TAFA1: variants seen among roughly 807,000 people sequenced by gnomAD.
TAFA1 encodes chemokine-like protein TAFA-1.
Under a neutral mutation model 18.5 loss-of-function variants are expected in TAFA1, and 4 were observed. The ratio of observed to expected loss-of-function variants is 0.22; its 90% CI spans 0.11 to 0.49. The LOEUF (loss-of-function observed/expected upper bound fraction) is 0.49, where lower values mean the gene tolerates loss of function less well. Ranked by LOEUF, TAFA1 falls within the 20% of genes least tolerant of loss-of-function variation. The pLI is 0.98. For synonymous variants in TAFA1, 56 were observed against 55.2 expected (o/e 1.01, Z -0.06); for missense variants, 147 against 169.0 (o/e 0.87, Z 0.72).
At chr3:68,427,433 A>C (rs949155730) in intron 3 of TAFA1, among the ~76,000 whole-genome samples, 4 of 151,846 alleles carry the variant, frequency 2.6e-5, no homozygotes, top group African/African-American at 9.7e-5. Flanking sequence ...TTCTAGGAAA[A>C]TCTATAACCC....
At chr3:68,131,643 T>A (rs1037689529) in intron 2 of TAFA1, among the ~76,000 whole-genome samples, 3 of 152,208 alleles carry the variant, frequency 2.0e-5, no homozygotes, top group South Asian at 2.1e-4. Context: ...CAGAGGCAGA[T>A]GCTCTGTGAG....
intron 1 of TAFA1, among the ~76,000 whole-genome samples, chr3:68,005,230 C>T (rs1704337325): frequency 6.6e-6 from 1 of 152,048 alleles, no homozygotes; most frequent in African/African-American, 2.4e-5. Context: ...TGTATGTTAT[C>T]CCAATAGTTC....
At chr3:68,458,977 C>T (rs1316220648) in intron 3 of TAFA1, among the ~76,000 whole-genome samples, 1 of 152,146 alleles carries the variant, frequency 6.6e-6, no homozygotes, top group Non-Finnish European at 1.5e-5. Flanking sequence ...GGCAAGGAAA[C>T]AGCAATCTAC....
intron 3 of TAFA1, among the ~76,000 whole-genome samples, chr3:68,505,060 G>T (rs2072723906): frequency 6.6e-6 from 1 of 152,150 alleles, no homozygotes; most frequent in Admixed American, 6.5e-5. Context: ...AAGCATGTTT[G>T]CTGAAATGTG....
rs554859749 is a variant in TAFA1, at chr3:68,019,208, T to A, written c.118+12464T>A. Among the ~76,000 whole-genome samples, 11 of 152,346 alleles carry A rather than the reference T, an allele frequency of 7.2e-5. No individual in the cohort carries two copies. The South Asian group carries it at 2.1e-3, about 29-fold the overall frequency. The stretch of plus-strand genomic sequence containing the variant: ...TAGCTTGTTGTATATCATGTAATAG[T>A]TTTGAGTACTGCAGCTGAATAATGC... On this transcript the variant is annotated intron_variant, in intron 2 of 4. Coordinates refer to ENST00000478136, the MANE Select transcript of TAFA1 (RefSeq NM_213609.4).
At chr3:68,382,254 C>G (rs1030259471) in intron 2 of TAFA1, among the ~76,000 whole-genome samples, 3 of 152,248 alleles carry the variant, frequency 2.0e-5, no homozygotes, top group African/African-American at 4.8e-5. Flanking sequence ...TTTGTTGTGT[C>G]TCTGCCAGGC....
At chr3:68,167,925 T>C (rs1473916440) in intron 2 of TAFA1, among the ~76,000 whole-genome samples, 3 of 152,056 alleles carry the variant, frequency 2.0e-5, no homozygotes, top group African/African-American at 4.8e-5. Flanking sequence ...GGACAAAGCT[T>C]AAAAACAGGA....
intron 2 of TAFA1, among the ~76,000 whole-genome samples, chr3:68,131,272 C>T (rs9831503): frequency 0.84 from 127,492 of 152,020 alleles, 53,569 homozygotes; most frequent in Admixed American, 0.87. Context: ...ATCTGGGTAA[C>T]GTGTAATACC....
At position 68,094,640 on chromosome 3, in the gene TAFA1, A is replaced by G. The variant is rs1458487784; in HGVS notation, c.118+87896A>G. 2.6e-5 allele frequency among the ~76,000 whole-genome samples: 4 copies of G among 152,148 alleles called. No individual in the cohort carries two copies. The South Asian group carries it at 8.3e-4, about 31-fold the overall frequency. ...GACATACTGAGCCAGTTCTCATGGA[A>G]GGATAGAAGGAGAGAGATCAATTTT... is the stretch of plus-strand genomic sequence containing the variant. On this transcript the variant is annotated intron_variant, in intron 2 of 4. Transcript: ENST00000478136.
At chr3:68,020,765 C>T (rs1036286641) in intron 2 of TAFA1, among the ~76,000 whole-genome samples, 1 of 152,148 alleles carries the variant, frequency 6.6e-6, no homozygotes, top group East Asian at 1.9e-4. Flanking sequence ...TTAATCTCTA[C>T]TATGGAATAC....
intron 2 of TAFA1, among the ~76,000 whole-genome samples, chr3:68,023,023 A>T (rs1007212388): frequency 1.3e-5 from 2 of 150,568 alleles, no homozygotes; most frequent in African/African-American, 4.9e-5. Flanking sequence ...AGAGAGGTTA[A>T]ATAACTTGTT....
intron 2 of TAFA1, among the ~76,000 whole-genome samples, chr3:68,108,960 AT>A (rs11425310): frequency 6.6e-6 from 1 of 151,506 alleles, no homozygotes; most frequent in Non-Finnish European, 1.5e-5. Flanking sequence ...TATTCTACAC[AT>A]TTTTTTTCAA....
At chr3:68,097,367 G>T (rs1245717418) in intron 2 of TAFA1, among the ~76,000 whole-genome samples, 1 of 152,130 alleles carries the variant, frequency 6.6e-6, no homozygotes. Context: ...CTACTTATGT[G>T]AGAGTAAACA....
At chr3:68,139,660 T>G (rs1043713892) in intron 2 of TAFA1, among the ~76,000 whole-genome samples, 3 of 152,208 alleles carry the variant, frequency 2.0e-5, no homozygotes, top group African/African-American at 7.2e-5. Flanking sequence ...TTGAATACCC[T>G]AAGGGCATGA....
chr3:68,173,814 G>GT (rs2066089339), intron 2 of TAFA1, among the ~76,000 whole-genome samples: 2 of 151,536 alleles, frequency 1.3e-5, no homozygotes, highest in African/African-American at 2.4e-5. Flanking sequence ...TAAAGTCATT[G>GT]TTTTTTTCAG....
intron 2 of TAFA1, among the ~76,000 whole-genome samples, chr3:68,198,084 A>G (rs1432578339): frequency 6.6e-6 from 1 of 151,700 alleles, no homozygotes; most frequent in Non-Finnish European, 1.5e-5. Flanking sequence ...CAATTTCTAA[A>G]GTTTTGCCTT....
At chr3:68,537,712 C>T (rs1442176852) in intron 3 of TAFA1, among the ~76,000 whole-genome samples, 1 of 152,180 alleles carries the variant, frequency 6.6e-6, no homozygotes, top group African/African-American at 2.4e-5. Context: ...GAACAGCCGT[C>T]TCACACTATG....
chr3:68,173,952 T>C (rs2066091597), intron 2 of TAFA1, among the ~76,000 whole-genome samples: 1 of 152,202 alleles, frequency 6.6e-6, no homozygotes, highest in African/African-American at 2.4e-5. Flanking sequence ...TTTTGGGACA[T>C]GAATCTATCA....
In TAFA1 at chr3:68,103,796, C is replaced by A. The variant is rs6795487; in HGVS notation, c.118+97052C>A. Among the ~76,000 whole-genome samples the A allele has an allele frequency of 5.9e-5, 9 of 152,232 alleles. No individual in the cohort carries two copies. In the South Asian group the frequency reaches 1.5e-3, roughly 25 times the overall value. On this transcript the variant is annotated intron_variant, in intron 2 of 4. Coordinates refer to ENST00000478136, the MANE Select transcript of TAFA1 (RefSeq NM_213609.4). Reference sequence around the variant, plus strand: ...TGTCCTAAACACCTTACATGAATCACAACCTTCAGTTCTCATTGAACCTAT... The same window carrying A: ...TGTCCTAAACACCTTACATGAATCAAAACCTTCAGTTCTCATTGAACCTAT...
Sources: allele counts gnomAD v4.1 joint callset (sites outside exome capture counted in the v4.1 genomes callset), GRCh38; gene constraint gnomAD v4.1.1; transcripts MANE v1.5; gene names NCBI Gene and HGNC (gene_info 2026-07-23, HGNC 2026-07-21).